NECAB1: variants seen among roughly 807,000 people sequenced by gnomAD.
NECAB1 encodes the protein N-terminal EF-hand calcium-binding protein 1.
NECAB1 carries 29 observed loss-of-function variants against 57.5 expected under a neutral mutation model. The ratio of observed to expected loss-of-function variants is 0.50; its 90% CI spans 0.38 to 0.69. NECAB1 has a LOEUF of 0.69. Ranked by LOEUF, NECAB1 falls within the 30% of genes least tolerant of loss-of-function variation. The pLI, the probability that NECAB1 is intolerant of heterozygous loss-of-function variation, is 0.00. For synonymous variants in NECAB1, 142 were observed against 147.7 expected, an observed-to-expected ratio of 0.96 and a Z score of 0.28; for missense variants, 372 against 413.8, an observed-to-expected ratio of 0.90 and a Z score of 0.88.
In NECAB1 at chr8:90,924,945, G is replaced by A. The variant is rs545949754; in HGVS notation, c.495-590G>A. On this transcript the variant is annotated intron_variant, in intron 6 of 12. Coordinates refer to ENST00000417640, the MANE Select transcript of NECAB1 (RefSeq NM_022351.5). The stretch of plus-strand genomic sequence containing the variant: ...TTCATATCAGTATATAACATATACT[G>A]TATATAGTATATAAGATATACTGTA... 6.6e-5 allele frequency among the ~76,000 whole-genome samples: 10 copies of A among 151,446 alleles called. No homozygotes were observed. The South Asian group carries it at 2.1e-3, about 32-fold the overall frequency.
intron 5 of NECAB1, among the ~76,000 whole-genome samples, chr8:90,885,511 C>T (rs1808959477): frequency 6.6e-6 from 1 of 152,154 alleles, no homozygotes; most frequent in African/African-American, 2.4e-5. Context: ...TCATATAGCA[C>T]CTTGGAGTTT....
intron 5 of NECAB1, among the ~76,000 whole-genome samples, chr8:90,892,367 A>T (rs1262323589): frequency 6.6e-6 from 1 of 152,228 alleles, no homozygotes; most frequent in Admixed American, 6.5e-5. Flanking sequence ...TATAATAAAC[A>T]TTGATAGCAT....
At chr8:90,903,255 A>G (rs1187579793) in intron 5 of NECAB1, among the ~76,000 whole-genome samples, 1 of 152,092 alleles carries the variant, frequency 6.6e-6, no homozygotes, top group East Asian at 1.9e-4. Context: ...CTGCAATCCC[A>G]TTTTAGAACA....
chr8:90,806,925 A>G (rs1220721960), intron 2 of NECAB1, among the ~76,000 whole-genome samples: 2 of 152,206 alleles, frequency 1.3e-5, no homozygotes, highest in African/African-American at 2.4e-5. Flanking sequence ...TCCAGGTTAC[A>G]TTGTATGTTA....
rs530126114 is a variant in NECAB1 at position 90,805,366 on chromosome 8, C to T, written c.124+3651C>T. 2.6e-5 allele frequency among the ~76,000 whole-genome samples: 4 copies of T among 151,880 alleles called. No individual in the cohort carries two copies. In the South Asian group the frequency reaches 6.3e-4, roughly 24 times the overall value. On this transcript the variant is annotated intron_variant, in intron 2 of 12. Coordinates refer to ENST00000417640, the MANE Select transcript of NECAB1 (RefSeq NM_022351.5). Reference sequence around the variant, plus strand: ...AGGCAATAGGCAGTATAATTGTTCGCCTGCCCAGAGGACAGATTTAGCTTT... The same window carrying T: ...AGGCAATAGGCAGTATAATTGTTCGTCTGCCCAGAGGACAGATTTAGCTTT...
chr8:90,854,769 A>G (rs1812762386), intron 3 of NECAB1, among the ~76,000 whole-genome samples: 1 of 152,224 alleles, frequency 6.6e-6, no homozygotes, highest in South Asian at 2.1e-4. Context: ...TCCACAGGGT[A>G]ATGGAGAGCT....
rs1809055179 is a variant in NECAB1, at chr8:90,888,134, AT to A, written c.357+7011del. ...CACGTACCTATAATTTCAAATAGCC[AT>A]TTTTTTCCTTTGTAGGGATTTTCTT... On this transcript the variant is annotated intron_variant, in intron 5 of 12. Transcript: ENST00000417640. 3.3e-5 allele frequency among the ~76,000 whole-genome samples: 5 copies of A among 152,032 alleles called. No homozygotes were observed. The South Asian group carries it at 1.0e-3, about 32-fold the overall frequency.
In NECAB1 at chr8:90,940,910, G is replaced by C; in HGVS notation, c.860+12G>C. On this transcript the variant is annotated intron_variant, in intron 10 of 12. Coordinates refer to ENST00000417640, the MANE Select transcript of NECAB1 (RefSeq NM_022351.5). The stretch of plus-strand genomic sequence containing the variant: ...AGTGGATGCTTGCGGTAAGTGCTCC[G>C]ACTCCTGCACCTTAGGCCTTTGGCA... 1 of 1,547,262 alleles carries C rather than the reference G, an allele frequency of 6.5e-7. No homozygotes were observed. The highest frequency in any genetic ancestry group is 8.8e-7 in the Non-Finnish European group (1 of 1,142,410).
At chr8:90,828,929 A>G (rs1178895799) in intron 3 of NECAB1, among the ~76,000 whole-genome samples, 1 of 152,034 alleles carries the variant, frequency 6.6e-6, no homozygotes, top group Admixed American at 6.6e-5. Context: ...AGTAACCTGA[A>G]GGATATCATG....
At chr8:90,847,713 C>T (rs770460292) in intron 3 of NECAB1, among the ~76,000 whole-genome samples, 8 of 152,246 alleles carry the variant, frequency 5.3e-5, no homozygotes, top group Non-Finnish European at 1.2e-4. Flanking sequence ...GGCCCAACAC[C>T]ACATGTAAGC....
chr8:90,886,402 A>G (rs1217190697), intron 5 of NECAB1, among the ~76,000 whole-genome samples: 1 of 152,134 alleles, frequency 6.6e-6, no homozygotes, highest in Non-Finnish European at 1.5e-5. Flanking sequence ...AGAGCTCACT[A>G]TTCTGTTCCC....
Position 90,791,875 on chromosome 8 carries a change from G to A in NECAB1, c.-12G>A, listed in dbSNP as rs1435756935. 6.5e-7 allele frequency: 1 copy of A among 1,548,742 alleles called. No individual in the cohort carries two copies. The highest frequency in any genetic ancestry group is 2.0e-5 in the Admixed American group (1 of 50,990). ...AGCCCCGCTCCGCCTGAGGCCGTCA[G>A]GGCTCCCGAGGATGGAAGATTCCCA... On this transcript the variant is annotated 5_prime_UTR_variant, in exon 1 of 13. Coordinates refer to ENST00000417640, the MANE Select transcript of NECAB1 (RefSeq NM_022351.5).
intron 2 of NECAB1, among the ~76,000 whole-genome samples, chr8:90,807,746 G>A (rs1417578303): frequency 2.0e-5 from 3 of 152,200 alleles, no homozygotes; most frequent in Non-Finnish European, 4.4e-5. Flanking sequence ...ATAACTTATA[G>A]ATTAGTAGGG....
chr8:90,917,870 A>ATATATATATATATATGTGTGTGTG (rs1554575432), intron 6 of NECAB1, among the ~76,000 whole-genome samples: 13 of 64,338 alleles, frequency 2.0e-4, no homozygotes, highest in East Asian at 2.3e-3. Flanking sequence ...ATATATATAT[A>ATATATATATATATATGTGTGTGTG]TGTGTGTGTG....
At chr8:90,929,753 A>C (rs1220045070) in intron 8 of NECAB1, among the ~76,000 whole-genome samples, 2 of 152,220 alleles carry the variant, frequency 1.3e-5, no homozygotes, top group Non-Finnish European at 2.9e-5. Context: ...CTAACAAACT[A>C]ACAAGGAAAG....
rs760843380 is a variant in NECAB1 at position 90,881,076 on chromosome 8, A to G, written c.303A>G (p.Ala101=). ...QHLGEYENVL[A]ALEDLNLSIL... is the part of the protein sequence containing the mutation. ...TGGGCGAGTATGAGAATGTACTAGC[A>G]GCACTTGAAGACCTGAATCTTTCCA... The change falls in exon 5 of 13, where the codon GCA becomes GCG. Residue 101 remains alanine (A), a synonymous_variant. Coordinates refer to ENST00000417640, the MANE Select transcript of NECAB1 (RefSeq NM_022351.5). 1.2e-6 allele frequency: 2 copies of G among 1,608,114 alleles called. No homozygotes were observed. Among genetic ancestry groups the G allele is most frequent in the South Asian group, 1.1e-5 (1 of 89,380 alleles).
intron 6 of NECAB1, among the ~76,000 whole-genome samples, chr8:90,918,480 A>T (rs1810030496): frequency 6.6e-6 from 1 of 152,192 alleles, no homozygotes; most frequent in South Asian, 2.1e-4. Flanking sequence ...AGTGATAATA[A>T]ATACCGTAGA....
intron 6 of NECAB1, among the ~76,000 whole-genome samples, chr8:90,922,350 G>A (rs1035236123): frequency 1.3e-5 from 2 of 152,040 alleles, no homozygotes; most frequent in African/African-American, 4.8e-5. Flanking sequence ...GTCTATTATA[G>A]AAGTGAGGAA....
intron 2 of NECAB1, among the ~76,000 whole-genome samples, chr8:90,805,342 G>C (rs1035710194): frequency 2.0e-5 from 3 of 151,988 alleles, no homozygotes; most frequent in Non-Finnish European, 4.4e-5. Flanking sequence ...AGGAAGAAGA[G>C]GCAATAGGCA....
Sources: gnomAD v4.1 joint callset for allele counts (sites outside exome capture counted in the v4.1 genomes callset) on GRCh38, gnomAD v4.1.1 for gene constraint, MANE v1.5 for transcripts, NCBI Gene and HGNC (gene_info 2026-07-23, HGNC 2026-07-21) for gene names.